PLCB4: variants seen among roughly 807,000 people sequenced by gnomAD.
The protein encoded by PLCB4 is 1-phosphatidylinositol 4,5-bisphosphate phosphodiesterase beta-4.
A neutral mutation model predicts 178.8 loss-of-function variants in PLCB4; 77 were observed. The ratio of observed to expected loss-of-function variants is 0.43; its 90% CI spans 0.36 to 0.52. PLCB4 has a LOEUF of 0.52. Among genes scored for constraint, PLCB4 ranks in the 20% least tolerant of loss-of-function variants. The probability of loss-of-function intolerance (pLI) is 0.00; values close to 1 mark genes in which losing one functional copy is unlikely to be tolerated. For synonymous variants in PLCB4, 496 were observed against 490.8 expected, an observed-to-expected ratio of 1.01 and a Z score of -0.14; for missense variants, 1,024 against 1,453.4, an observed-to-expected ratio of 0.70 and a Z score of 4.80.
chr20:9,248,310 A>G (rs2094145937), intron 3 of PLCB4, among the ~76,000 whole-genome samples: 2 of 151,910 alleles, frequency 1.3e-5, no homozygotes, highest in African/African-American at 4.8e-5. Flanking sequence ...TGATCTTTGC[A>G]TTTTTCTGTC....
At chr20:9,376,080 C>T (rs1046013150) in intron 12 of PLCB4, among the ~76,000 whole-genome samples, 4 of 151,942 alleles carry the variant, frequency 2.6e-5, no homozygotes, top group Admixed American at 1.3e-4. Context: ...TGACCTCCTC[C>T]CTATCCATGC....
chr20:9,186,919 A>G (rs1429802298), intron 2 of PLCB4, among the ~76,000 whole-genome samples: 1 of 152,022 alleles, frequency 6.6e-6, no homozygotes, highest in Non-Finnish European at 1.5e-5. Context: ...CCCTGGCCAC[A>G]GTGACCCTTT....
chr20:9,141,069 A>C (rs1203403550), intron 2 of PLCB4, among the ~76,000 whole-genome samples: 1 of 152,128 alleles, frequency 6.6e-6, no homozygotes, highest in African/African-American at 2.4e-5. Context: ...GTTAGTTTGA[A>C]ATGTAGCAAG....
At chr20:9,188,005 T>C (rs1407820581) in intron 2 of PLCB4, among the ~76,000 whole-genome samples, 1 of 152,216 alleles carries the variant, frequency 6.6e-6, no homozygotes, top group East Asian at 1.9e-4. Flanking sequence ...TTCAGTTACA[T>C]CTAGAAGATA....
chr20:9,193,492 G>A (rs1039427250), intron 2 of PLCB4, among the ~76,000 whole-genome samples: 3 of 152,154 alleles, frequency 2.0e-5, no homozygotes, highest in Non-Finnish European at 2.9e-5. Context: ...GCTAGAGAAA[G>A]CTCTTAGGCA....
intron 1 of PLCB4, among the ~76,000 whole-genome samples, chr20:9,094,354 T>C (rs1034306076): frequency 4.6e-5 from 7 of 152,190 alleles, no homozygotes; most frequent in African/African-American, 1.7e-4. Flanking sequence ...AAACCATACC[T>C]ATAAGCTTTT....
At chr20:9,325,383 A>G (rs530183978) in intron 4 of PLCB4, among the ~76,000 whole-genome samples, 2 of 152,302 alleles carry the variant, frequency 1.3e-5, no homozygotes, top group Admixed American at 6.5e-5. Context: ...AGTTACTTTG[A>G]GTGACCACCC....
intron 7 of PLCB4, among the ~76,000 whole-genome samples, chr20:9,349,835 C>A (rs1369498325): frequency 6.6e-6 from 1 of 152,200 alleles, no homozygotes; most frequent in African/African-American, 2.4e-5. Flanking sequence ...TTCCACATAG[C>A]CCCAGTTTCC....
intron 7 of PLCB4, among the ~76,000 whole-genome samples, chr20:9,361,615 A>G (rs1395223962): frequency 6.6e-6 from 1 of 152,212 alleles, no homozygotes; most frequent in East Asian, 1.9e-4. Flanking sequence ...TTTTTCATTT[A>G]AAAATGGTGA....
chr20:9,146,235 T>C (rs1568834697), intron 2 of PLCB4, among the ~76,000 whole-genome samples: 1 of 152,124 alleles, frequency 6.6e-6, no homozygotes, highest in Non-Finnish European at 1.5e-5. Flanking sequence ...CAAATTAATG[T>C]GAGACAATAT....
chr20:9,301,205 A>C (rs1302455710), intron 3 of PLCB4, among the ~76,000 whole-genome samples: 1 of 151,858 alleles, frequency 6.6e-6, no homozygotes, highest in Non-Finnish European at 1.5e-5. Context: ...TCATCTGCTA[A>C]GTCCCTTTTT....
chr20:9,228,795 A>G (rs533622698), intron 3 of PLCB4, among the ~76,000 whole-genome samples: 74 of 152,328 alleles, frequency 4.9e-4, no homozygotes, highest in African/African-American at 1.7e-3. Flanking sequence ...GAAGAAAGAA[A>G]TGGGCTAGGG....
chr20:9,116,973 A>G (rs1453563456), intron 2 of PLCB4, among the ~76,000 whole-genome samples: 1 of 152,016 alleles, frequency 6.6e-6, no homozygotes, highest in Admixed American at 6.6e-5. Flanking sequence ...TTAAAACTGA[A>G]TTTTCTAATT....
At chr20:9,100,049 G>A (rs1359480551) in intron 2 of PLCB4, among the ~76,000 whole-genome samples, 1 of 152,114 alleles carries the variant, frequency 6.6e-6, no homozygotes, top group East Asian at 1.9e-4. Flanking sequence ...TTTTCTTGAT[G>A]TCTGCCAGCA....
intron 3 of PLCB4, among the ~76,000 whole-genome samples, chr20:9,263,818 T>C (rs2094321746): frequency 6.6e-6 from 1 of 152,128 alleles, no homozygotes; most frequent in Non-Finnish European, 1.5e-5. Flanking sequence ...CATCTTATTG[T>C]GTATTGGTAC....
chr20:9,384,325 T>C lies in PLCB4; in HGVS notation c.978T>C (p.Ser326=), dbSNP rs773806894. 34 of 1,614,052 alleles carry C rather than the reference T, an allele frequency of 2.1e-5. No homozygotes were observed. Among genetic ancestry groups the C allele is most frequent in the Admixed American group, 6.7e-5 (4 of 60,000 alleles). ...DHPLAHYFIS[S]SHNTYLTGRQ... is the part of the protein sequence containing the mutation. The stretch of plus-strand genomic sequence containing the variant: ...CTCTGGCTCACTACTTCATCAGTTC[T>C]TCCCATAACACTTATCTCACTGGCA... The change falls in exon 14 of 40, where the codon TCT becomes TCC. Residue 326 remains serine (S), a synonymous_variant. Transcript: ENST00000378473.
chr20:9,419,107 T>C (rs934884016), intron 25 of PLCB4, among the ~76,000 whole-genome samples: 3 of 152,182 alleles, frequency 2.0e-5, no homozygotes, highest in Admixed American at 2.0e-4. Flanking sequence ...CATCTGTGAC[T>C]AGAAATAGGC....
At chr20:9,217,138 G>T (rs1439883749) in intron 2 of PLCB4, among the ~76,000 whole-genome samples, 2 of 152,172 alleles carry the variant, frequency 1.3e-5, no homozygotes, top group East Asian at 3.8e-4. Context: ...GATTAAGAGG[G>T]TGAGTAGGAT....
chr20:9,173,359 G>A (rs2093097362), intron 2 of PLCB4, among the ~76,000 whole-genome samples: 1 of 152,164 alleles, frequency 6.6e-6, no homozygotes, highest in Admixed American at 6.6e-5. Flanking sequence ...TAGAAGATCT[G>A]GCCACATGCA....
Sources: allele counts gnomAD v4.1 joint callset (sites outside exome capture counted in the v4.1 genomes callset), GRCh38; gene constraint gnomAD v4.1.1; transcripts MANE v1.5; gene names NCBI Gene and HGNC (gene_info 2026-07-23, HGNC 2026-07-21).